The following ASIP variants were observed in gnomAD, a reference collection of about 807,000 sequenced individuals.
The protein encoded by ASIP is agouti signaling protein.
In ASIP, 11 loss-of-function variants were observed where a neutral mutation model predicts 10.3. That is an observed-to-expected ratio of 1.07 (90% CI 0.68 to 1.78). The LOEUF is 1.78. ASIP is among the 40% of genes most tolerant of loss of function. The pLI, the probability that ASIP is intolerant of heterozygous loss-of-function variation, is 0.00. For missense variants in ASIP, 180 were observed against 169.2 expected, an observed-to-expected ratio of 1.06 and a Z score of -0.35; for synonymous variants, 70 against 70.8, an observed-to-expected ratio of 0.99 and a Z score of 0.06.
chr20:34,262,651 A>G (rs1347314348), intron 2 of ASIP, among the ~76,000 whole-genome samples, 181 bp from the exon 3 acceptor site: 1 of 152,178 alleles, frequency 6.6e-6, no homozygotes, highest in Non-Finnish European at 1.5e-5. Context: ...GCCTGGCTCC[A>G]GGTCAGTAGC....
intron 1 of ASIP, among the ~76,000 whole-genome samples, chr20:34,202,801 C>CTTTTTTTTTT (rs34156089): frequency 7.0e-5 from 4 of 57,264 alleles, no homozygotes; most frequent in Non-Finnish European, 1.0e-4. Context: ...CTTGGCTATT[C>CTTTTTTTTTT]TTTTTTTTTT....
chr20:34,213,691 G>C, intron 1 of ASIP: 3 of 1,535,546 alleles, frequency 2.0e-6, no homozygotes, highest in Non-Finnish European at 1.8e-6. Context: ...TTCTGAAGCA[G>C]ATGGGATGAA....
chr20:34,202,852 A>G (rs1246955647), intron 1 of ASIP, among the ~76,000 whole-genome samples: 1 of 119,578 alleles, frequency 8.4e-6, no homozygotes, highest in Non-Finnish European at 1.6e-5. Flanking sequence ...TCTGTTGCCC[A>G]GGCTGGAGTG....
intron 1 of ASIP, among the ~76,000 whole-genome samples, chr20:34,197,755 C>T (rs554869969): frequency 1.3e-5 from 2 of 152,238 alleles, no homozygotes; most frequent in African/African-American, 2.4e-5. Context: ...ACCCAGACTC[C>T]GCAAGGTCAT....
At chr20:34,258,222 A>G (rs758155583) in intron 1 of ASIP, among the ~76,000 whole-genome samples, 10 of 151,964 alleles carry the variant, frequency 6.6e-5, no homozygotes, top group Non-Finnish European at 1.3e-4. Context: ...AGCAAACATG[A>G]TGTTCTTATT....
upstream of ASIP, among the ~76,000 whole-genome samples, chr20:34,192,105 C>T (rs1025275443): frequency 5.3e-5 from 8 of 151,988 alleles, no homozygotes; most frequent in Non-Finnish European, 1.0e-4. Context: ...GGCCCGATCT[C>T]GGCTCACCAC....
intron 1 of ASIP, among the ~76,000 whole-genome samples, chr20:34,200,747 A>T (rs897026445): frequency 7.9e-5 from 12 of 152,276 alleles, no homozygotes; most frequent in African/African-American, 2.9e-4. Flanking sequence ...ACCTAAGAAT[A>T]ATTTTTCAGC....
At chr20:34,248,822 T>C (rs1244102297) in intron 1 of ASIP, among the ~76,000 whole-genome samples, 2 of 150,694 alleles carry the variant, frequency 1.3e-5, no homozygotes, top group East Asian at 3.9e-4. Flanking sequence ...GAAAGAAATA[T>C]TCAGCAGAAT....
chr20:34,233,921 C>G (rs2035144558), intron 1 of ASIP, among the ~76,000 whole-genome samples: 1 of 152,238 alleles, frequency 6.6e-6, no homozygotes, highest in African/African-American at 2.4e-5. Flanking sequence ...AGTCAACACT[C>G]TGCAGCCAGT....
At chr20:34,218,942 T>C (rs551809077) in intron 1 of ASIP, among the ~76,000 whole-genome samples, 12 of 152,044 alleles carry the variant, frequency 7.9e-5, no homozygotes, top group Non-Finnish European at 1.8e-4. Context: ...GAATCACAGG[T>C]GTGAGCCACC....
At chr20:34,219,899 C>T (rs2122561892) in intron 1 of ASIP, among the ~76,000 whole-genome samples, 1 of 152,158 alleles carries the variant, frequency 6.6e-6, no homozygotes, top group East Asian at 1.9e-4. Flanking sequence ...ACCATCCTGG[C>T]TAACACGGTG....
intron 1 of ASIP, among the ~76,000 whole-genome samples, chr20:34,257,401 A>G (rs901003473): frequency 3.3e-5 from 5 of 152,166 alleles, no homozygotes; most frequent in African/African-American, 1.2e-4. Context: ...ATTTATTTCT[A>G]ATTTGCCTTC....
At chr20:34,258,703 T>C (rs1189561204) in intron 1 of ASIP, among the ~76,000 whole-genome samples, 2 of 95,262 alleles carry the variant, frequency 2.1e-5, no homozygotes, top group African/African-American at 7.6e-5. Context: ...ATACTATATA[T>C]ATATATTATA....
chr20:34,223,339 G>A (rs1264930118), intron 1 of ASIP, among the ~76,000 whole-genome samples: 1 of 148,586 alleles, frequency 6.7e-6, no homozygotes, highest in Non-Finnish European at 1.5e-5. Context: ...GGGAGGTGAG[G>A]AGCGTCTCTG....
chr20:34,266,020 C>T (rs1258175314), intron 3 of ASIP, among the ~76,000 whole-genome samples: 2 of 151,878 alleles, frequency 1.3e-5, no homozygotes, highest in African/African-American at 2.4e-5. Flanking sequence ...ATGGTATTGC[C>T]TACCAAAGGC....
chr20:34,204,938 TCAC>T (rs749405348), intron 1 of ASIP, among the ~76,000 whole-genome samples: 3 of 152,252 alleles, frequency 2.0e-5, no homozygotes, highest in Non-Finnish European at 4.4e-5. Context: ...GGAATATCCA[TCAC>T]CTCAAGCATT....
rs879668897 is a variant in ASIP at position 34,259,749 on chromosome 20, T to TA, written c.-10-603dup. On this transcript the variant is annotated intron_variant, in intron 1 of 3. Coordinates refer to ENST00000374954, the MANE Select transcript of ASIP (RefSeq NM_001672.3). ...TGGGCAACAAGAGAGAGACTCCATC[T>TA]AAAAAAAAAAAAATCCAGCTAGCAA... Among the ~76,000 whole-genome samples the TA allele has an allele frequency of 8.9e-3, 1,267 of 142,746 alleles. 14 individuals are homozygous for TA. The highest frequency in any genetic ancestry group is 0.029 in the African/African-American group (1,126 of 39,074). The allele number at this position is 142,746 out of a possible 152,430, so 93.6% of individuals were successfully genotyped here.
In ASIP at chr20:34,213,761, T is replaced by C. The variant is rs934589060; in HGVS notation, c.-11+19001T>C. The C allele has an allele frequency of 1.9e-5, 28 of 1,507,438 alleles. No individual in the cohort carries two copies. The African/African-American group carries it at 3.3e-4, about 18-fold the overall frequency. The allele number at this position is 1,507,438 out of a possible 1,614,324, so 93.4% of individuals were successfully genotyped here. A position where few individuals can be genotyped will look rare whatever the true frequency, so the allele number is the denominator to read the frequency against. ...CGATGAAGGAAAGTACAGACTCCAC[T>C]TCTGAGAATACCCTTTTGTAAGGGA... On this transcript the variant is annotated intron_variant, in intron 1 of 3. Transcript: ENST00000568305.
intron 2 of ASIP, among the ~76,000 whole-genome samples, chr20:34,261,950 T>A (rs893739938): frequency 6.6e-6 from 1 of 151,182 alleles, no homozygotes; most frequent in Non-Finnish European, 1.5e-5. Flanking sequence ...CCATCTCTAC[T>A]AAAAATACAA....
Sources: gnomAD v4.1 joint callset for allele counts (sites outside exome capture counted in the v4.1 genomes callset) on GRCh38, gnomAD v4.1.1 for gene constraint, MANE v1.5 for transcripts, NCBI Gene and HGNC (gene_info 2026-07-23, HGNC 2026-07-21) for gene names.